CCDC7: variants seen among roughly 807,000 people sequenced by gnomAD.
The protein encoded by CCDC7 is coiled-coil domain containing 7.
In CCDC7, 183 loss-of-function variants were observed where a neutral mutation model predicts 196.9. That is an observed-to-expected ratio of 0.93 (90% confidence interval 0.82 to 1.05). The LOEUF is 1.05. CCDC7 is among the 50% of genes least tolerant of loss of function. The pLI, the probability that CCDC7 is intolerant of heterozygous loss-of-function variation, is 0.00. For missense variants in CCDC7, 1,540 were observed against 1,482.2 expected, an observed-to-expected ratio of 1.04 and a Z score of -0.64; for synonymous variants, 525 against 484.6, an observed-to-expected ratio of 1.08 and a Z score of -1.10.
At chr10:32,541,451 T>A (rs1417129633) in intron 11 of CCDC7, among the ~76,000 whole-genome samples, 1 of 152,140 alleles carries the variant, frequency 6.6e-6, no homozygotes, top group Non-Finnish European at 1.5e-5. Context: ...ACCCTCCAGC[T>A]GAGTTCACAC....
intron 20 of CCDC7, among the ~76,000 whole-genome samples, chr10:32,649,457 C>A (rs554394965): frequency 6.6e-6 from 1 of 152,266 alleles, no homozygotes; most frequent in African/African-American, 2.4e-5. Flanking sequence ...AAGGATTTTT[C>A]TTTTGCAATC....
chr10:32,688,145 GACAC>G (rs1210389952), intron 22 of CCDC7, among the ~76,000 whole-genome samples: 1 of 152,054 alleles, frequency 6.6e-6, no homozygotes, highest in Admixed American at 6.6e-5. Flanking sequence ...GCTCTGTTGT[GACAC>G]ACTATACACG....
At chr10:32,468,715 T>A (rs2037347113) in intron 5 of CCDC7, among the ~76,000 whole-genome samples, 1 of 150,588 alleles carries the variant, frequency 6.6e-6, no homozygotes, top group Non-Finnish European at 1.5e-5. Flanking sequence ...CTGTTATAAG[T>A]GCACATTACT....
chr10:32,599,690 G>C (rs2060793268), intron 18 of CCDC7, among the ~76,000 whole-genome samples: 1 of 151,976 alleles, frequency 6.6e-6, no homozygotes, highest in Admixed American at 6.6e-5. Context: ...TAGGGGTACA[G>C]TGTGTTTTGG....
intron 5 of CCDC7, among the ~76,000 whole-genome samples, chr10:32,468,667 G>T (rs2037338411): frequency 6.6e-6 from 1 of 152,150 alleles, no homozygotes; most frequent in African/African-American, 2.4e-5. Flanking sequence ...TTCTTAAAGT[G>T]TAGTTGATAG....
intron 28 of CCDC7, among the ~76,000 whole-genome samples, chr10:32,775,845 G>A (rs1053368151): frequency 2.0e-5 from 3 of 151,510 alleles, no homozygotes; most frequent in African/African-American, 7.3e-5. Flanking sequence ...TATTTATTGC[G>A]GCATTATTCA....
chr10:32,559,570 G>A (rs912401750), intron 13 of CCDC7, among the ~76,000 whole-genome samples: 2 of 152,262 alleles, frequency 1.3e-5, no homozygotes, highest in African/African-American at 4.8e-5. Flanking sequence ...ACGGTCTGGA[G>A]TGGACCTCTA....
At chr10:32,465,051 CT>C (rs2036468938) in intron 5 of CCDC7, among the ~76,000 whole-genome samples, 1 of 151,324 alleles carries the variant, frequency 6.6e-6, no homozygotes, top group Non-Finnish European at 1.5e-5. Context: ...AAAGGCAAAA[CT>C]GGTTTATAAG....
chr10:32,641,321 T>C (rs2066758084), intron 20 of CCDC7, among the ~76,000 whole-genome samples: 1 of 152,216 alleles, frequency 6.6e-6, no homozygotes. Context: ...TTTCACATAG[T>C]CCCATATTTC....
intron 30 of CCDC7, among the ~76,000 whole-genome samples, chr10:32,809,382 T>G (rs1189341894): frequency 6.6e-6 from 1 of 152,024 alleles, no homozygotes; most frequent in Non-Finnish European, 1.5e-5. Context: ...GAGGTAGATA[T>G]CATTAAGAAA....
At chr10:32,784,378 C>G (rs2081493914) in intron 29 of CCDC7, among the ~76,000 whole-genome samples, 2 of 152,054 alleles carry the variant, frequency 1.3e-5, no homozygotes, top group African/African-American at 4.8e-5. Context: ...GTACCGCACA[C>G]CCCACGGCCC....
chr10:32,549,895 G>A (rs973328072), intron 13 of CCDC7, among the ~76,000 whole-genome samples: 2 of 152,024 alleles, frequency 1.3e-5, no homozygotes, highest in African/African-American at 4.8e-5. Flanking sequence ...TGGCTATGGG[G>A]GCTCTGTTTT....
At chr10:32,672,240 T>C (rs2074195851) in intron 21 of CCDC7, among the ~76,000 whole-genome samples, 1 of 152,048 alleles carries the variant, frequency 6.6e-6, no homozygotes. Flanking sequence ...CAGCTAAGAA[T>C]GAGAATATTG....
At chr10:32,525,691 TG>T (rs1159772897) in intron 11 of CCDC7, among the ~76,000 whole-genome samples, 2 of 152,226 alleles carry the variant, frequency 1.3e-5, no homozygotes, top group African/African-American at 4.8e-5. Flanking sequence ...CTGTCCTTCT[TG>T]TGAAGACTTT....
At chr10:32,874,478 CT>C (rs2094534067) in intron 41 of CCDC7, among the ~76,000 whole-genome samples, 2 of 151,746 alleles carry the variant, frequency 1.3e-5, no homozygotes, top group East Asian at 3.9e-4. Flanking sequence ...TTATACCACT[CT>C]GTATGCCTTT....
At chr10:32,808,862 C>G (rs182921939) in intron 30 of CCDC7, among the ~76,000 whole-genome samples, 1 of 152,156 alleles carries the variant, frequency 6.6e-6, no homozygotes, top group Admixed American at 6.5e-5. Flanking sequence ...CCACTGCATA[C>G]ACCCAGAATC....
chr10:32,579,432 G>GTACCT (rs1214479409), intron 16 of CCDC7, among the ~76,000 whole-genome samples: 1 of 152,104 alleles, frequency 6.6e-6, no homozygotes, highest in Non-Finnish European at 1.5e-5. Flanking sequence ...ATATGGCTGT[G>GTACCT]TACCTGTTCT....
rs533848006 is a variant in CCDC7, at chr10:32,592,955, G to C, written c.1801+8651G>C. 6.1e-4 allele frequency among the ~76,000 whole-genome samples: 90 copies of C among 148,302 alleles called. 1 individual carries two copies. Among genetic ancestry groups the C allele is most frequent in the African/African-American group, 2.1e-3 (85 of 39,800 alleles). On this transcript the variant is annotated intron_variant, in intron 18 of 41. Transcript: ENST00000639629. ...TTCTTAATCCAGTCTGTCATTGATGGACATTTGGTTGGTTCCAAGTCTTTG... is the reference window on the plus strand; with the variant it reads ...TTCTTAATCCAGTCTGTCATTGATGCACATTTGGTTGGTTCCAAGTCTTTG...
chr10:32,564,436 T>G, intron 13 of CCDC7, among the ~76,000 whole-genome samples: 1 of 152,140 alleles, frequency 6.6e-6, no homozygotes, highest in Non-Finnish European at 1.5e-5. Context: ...ATTAAGAAAA[T>G]GTTGCACATA....
Sources: gnomAD v4.1 joint callset for allele counts (sites outside exome capture counted in the v4.1 genomes callset) on GRCh38, gnomAD v4.1.1 for gene constraint, MANE v1.5 for transcripts, NCBI Gene and HGNC (gene_info 2026-07-23, HGNC 2026-07-21) for gene names.